Variants in KAZN observed in about 807,000 individuals in gnomAD.
KAZN encodes the protein kazrin.
Under a neutral mutation model 87.4 loss-of-function variants are expected in KAZN, and 40 were observed. The ratio of observed to expected loss-of-function variants is 0.46; its 90% confidence interval spans 0.36 to 0.60. The LOEUF is 0.60. Among genes scored for constraint, KAZN ranks in the 20% least tolerant of loss-of-function variants. KAZN has a pLI of 0.00. For missense variants in KAZN, 898 were observed against 1,073.9 expected, an observed-to-expected ratio of 0.84 and a Z score of 2.29; for synonymous variants, 466 against 458.3, an observed-to-expected ratio of 1.02 and a Z score of -0.22.
intron 1 of KAZN, among the ~76,000 whole-genome samples, chr1:14,108,450 CAA>C (rs1450510751): frequency 2.0e-5 from 3 of 152,148 alleles, no homozygotes; most frequent in Non-Finnish European, 4.4e-5. Flanking sequence ...GACAAGTAAT[CAA>C]TATTTTTTAC....
intron 2 of KAZN, among the ~76,000 whole-genome samples, chr1:14,461,890 T>G (rs1667871730): frequency 6.6e-6 from 1 of 152,012 alleles, no homozygotes; most frequent in Non-Finnish European, 1.5e-5. Context: ...GCCATCAGCC[T>G]AAGATACTCT....
At chr1:15,001,697 C>G (rs7517787) in intron 2 of KAZN, among the ~76,000 whole-genome samples, 72 of 151,882 alleles carry the variant, frequency 4.7e-4, no homozygotes, top group African/African-American at 1.7e-3. Flanking sequence ...CCTTCAACTG[C>G]TGGAGTGCTC....
intron 2 of KAZN, among the ~76,000 whole-genome samples, chr1:14,982,816 G>T (rs1260431278): frequency 6.6e-6 from 1 of 152,196 alleles, no homozygotes; most frequent in Non-Finnish European, 1.5e-5. Flanking sequence ...CCTAGTGCTG[G>T]ATCTTCCCAC....
Position 15,094,465 on chromosome 1 carries a change from C to A in KAZN, c.1428+80C>A, listed in dbSNP as rs545207964. ...CGTACCCAGAAGCTGGCCTGCCCCC[C>A]ACTCCTACCCTGGAGTCAGGAGAAG... On this transcript the variant is annotated intron_variant, in intron 9 of 14. Coordinates refer to ENST00000376030, the MANE Select transcript of KAZN (RefSeq NM_201628.3). This position sits in a 1 kb window ranked among gnomAD's most constrained non-coding sequence, Gnocchi z 4.5. The A allele has an allele frequency of 7.8e-5, 103 of 1,317,000 alleles. No homozygotes were observed. In the African/African-American group the frequency reaches 1.2e-3, roughly 16 times the overall value. The allele number at this position is 1,317,000 out of a possible 1,614,324, so 81.6% of individuals were successfully genotyped here.
At chr1:15,016,210 C>G (rs1361963125) in intron 2 of KAZN, among the ~76,000 whole-genome samples, 1 of 152,192 alleles carries the variant, frequency 6.6e-6, no homozygotes, top group Non-Finnish European at 1.5e-5. Flanking sequence ...AAACTGGAAG[C>G]TGGAGGAGAC....
At chr1:14,444,563 T>C (rs1237739209) in intron 2 of KAZN, among the ~76,000 whole-genome samples, 1 of 152,148 alleles carries the variant, frequency 6.6e-6, no homozygotes, top group African/African-American at 2.4e-5. Flanking sequence ...TCTGCCCTCC[T>C]TGGCCTCCCA....
At chr1:14,766,351 A>C (rs1207117324) in intron 1 of KAZN, among the ~76,000 whole-genome samples, 1 of 151,930 alleles carries the variant, frequency 6.6e-6, no homozygotes, top group Non-Finnish European at 1.5e-5. Context: ...TTGGCATCCC[A>C]CATGCCCCAA....
At chr1:14,870,303 G>T (rs1226912892) in intron 1 of KAZN, among the ~76,000 whole-genome samples, 2 of 152,138 alleles carry the variant, frequency 1.3e-5, no homozygotes, top group African/African-American at 4.8e-5. Flanking sequence ...TGAACAAATG[G>T]CTTAACTTCT....
At chr1:14,209,369 G>A (rs1646808163) in intron 2 of KAZN, among the ~76,000 whole-genome samples, 1 of 152,192 alleles carries the variant, frequency 6.6e-6, no homozygotes, top group African/African-American at 2.4e-5. Context: ...GTCCCTCCAC[G>A]TGGAAATATA....
intron 1 of KAZN, among the ~76,000 whole-genome samples, chr1:14,142,360 A>G (rs1222738174): frequency 6.6e-6 from 1 of 152,218 alleles, no homozygotes; most frequent in Non-Finnish European, 1.5e-5. Flanking sequence ...TTTAGCTACC[A>G]GGTTGTTCCT....
chr1:15,112,826 G>A, intron 14 of KAZN: 2 of 292,758 alleles, frequency 6.8e-6, no homozygotes, highest in East Asian at 6.3e-5. Flanking sequence ...TACTGAACTT[G>A]CAGATTCTGG....
At chr1:14,912,910 C>T (rs906855471) in intron 1 of KAZN, among the ~76,000 whole-genome samples, 4 of 152,150 alleles carry the variant, frequency 2.6e-5, no homozygotes, top group Admixed American at 1.3e-4. Context: ...AAGAACAAAG[C>T]CCTTCTCTCA....
At chr1:13,952,352 A>G (rs930971889) in intron 1 of KAZN, among the ~76,000 whole-genome samples, 9 of 146,122 alleles carry the variant, frequency 6.2e-5, no homozygotes, top group East Asian at 2.0e-4. Flanking sequence ...TAATAATAAT[A>G]ATAATAATAA....
chr1:14,420,883 TCCCTCCACACCTCCCCTCCACACCTC>T (rs56088360), intron 2 of KAZN, among the ~76,000 whole-genome samples: 34 of 146,918 alleles, frequency 2.3e-4, no homozygotes, highest in Non-Finnish European at 9.1e-5. Context: ...CCCGCACCTC[TCCCTCCACACCTCCCCTCCACACCTC>T]CCCTCCACAC....
chr1:14,028,075 G>C (rs982519397), intron 1 of KAZN, among the ~76,000 whole-genome samples: 2 of 152,190 alleles, frequency 1.3e-5, no homozygotes, highest in South Asian at 2.1e-4. Context: ...CAAGCTTAGT[G>C]TGAGCCTTGC....
At chr1:14,827,388 GCC>G (rs1646923424) in intron 1 of KAZN, among the ~76,000 whole-genome samples, 2 of 152,182 alleles carry the variant, frequency 1.3e-5, no homozygotes, top group Non-Finnish European at 2.9e-5. Context: ...CCAACGTGTA[GCC>G]TTTTATCCCT....
chr1:14,874,085 A>T (rs1652479440), intron 1 of KAZN, among the ~76,000 whole-genome samples: 1 of 152,168 alleles, frequency 6.6e-6, no homozygotes, highest in Non-Finnish European at 1.5e-5. Flanking sequence ...CTGAGAGTTG[A>T]CTGTCCAAAT....
intron 6 of KAZN, 162 bp from the exon 7 acceptor site, chr1:15,063,410 A>G: frequency 1.5e-6 from 1 of 656,020 alleles, no homozygotes; most frequent in Non-Finnish European, 2.8e-6. Context: ...ATCTGGGGGT[A>G]TCTGCTTCAG....
chr1:14,544,409 G>T (rs1460989824), intron 2 of KAZN, among the ~76,000 whole-genome samples: 2 of 140,880 alleles, frequency 1.4e-5, no homozygotes, highest in Non-Finnish European at 3.0e-5. Flanking sequence ...GAAAAAGTGG[G>T]CTCCTTTAAT....
Sources: allele counts gnomAD v4.1 joint callset (sites outside exome capture counted in the v4.1 genomes callset), GRCh38; gene constraint gnomAD v4.1.1; non-coding constraint Gnocchi (gnomAD v3.1); transcripts MANE v1.5; gene names NCBI Gene and HGNC (gene_info 2026-07-23, HGNC 2026-07-21).